The following IL1RAPL1 variants were observed in gnomAD, a reference collection of about 807,000 sequenced individuals.
IL1RAPL1 encodes the protein interleukin 1 receptor accessory protein like 1, also known as interleukin-1 receptor accessory protein-like 1.
Under a neutral mutation model 48.4 loss-of-function variants are expected in IL1RAPL1, and 3 were observed. The ratio of observed to expected loss-of-function variants is 0.06; its 90% CI spans 0.03 to 0.16. The LOEUF is 0.16. Ranked by LOEUF, IL1RAPL1 falls within the 10% of genes least tolerant of loss-of-function variation. IL1RAPL1 has a pLI of 1.00. For synonymous variants in IL1RAPL1, 185 were observed against 187.7 expected (o/e 0.99, Z 0.12); for missense variants, 349 against 530.6 (o/e 0.66, Z 3.36).
intron 2 of IL1RAPL1, among the ~76,000 whole-genome samples, chrX:29,016,623 C>T (rs372403648): frequency 6.3e-5 from 7 of 111,063 alleles, no homozygotes; most frequent in South Asian, 3.8e-4. Context: ...TTGGTTCTTT[C>T]GGCATACCAA....
chrX:29,103,425 A>C (rs1928385854), intron 2 of IL1RAPL1, among the ~76,000 whole-genome samples: 1 of 112,183 alleles, frequency 8.9e-6, no homozygotes, highest in Non-Finnish European at 1.9e-5. Flanking sequence ...CCATATGCAG[A>C]AGAATGAATC....
chrX:29,650,410 A>G (rs986645564), intron 5 of IL1RAPL1, among the ~76,000 whole-genome samples: 1 of 111,738 alleles, frequency 8.9e-6, no homozygotes, highest in Non-Finnish European at 1.9e-5. Flanking sequence ...ATAGCATGAT[A>G]CTGGCATAAA....
chrX:28,652,731 A>C (rs1397238833), intron 1 of IL1RAPL1, among the ~76,000 whole-genome samples: 3 of 111,546 alleles, frequency 2.7e-5, no homozygotes, highest in African/African-American at 9.8e-5. Flanking sequence ...TACCATTTAC[A>C]CAACAGTAGC....
chrX:29,803,001 G>GTATACATATATTTATATATGTGTA (rs1473620566), intron 6 of IL1RAPL1, among the ~76,000 whole-genome samples: 2 of 43,032 alleles, frequency 4.6e-5, no homozygotes, highest in African/African-American at 2.2e-4. Context: ...ATATATGTAT[G>GTATACATATATTTATATATGTGTA]CATATATACA....
At chrX:29,679,417 C>T (rs1299903976) in intron 6 of IL1RAPL1, among the ~76,000 whole-genome samples, 1 of 111,395 alleles carries the variant, frequency 9.0e-6, no homozygotes, top group African/African-American at 3.3e-5. Flanking sequence ...TGTAAATGTA[C>T]CTGTTTTTGA....
chrX:29,150,961 A>G (rs1929455721), intron 2 of IL1RAPL1, among the ~76,000 whole-genome samples: 1 of 109,570 alleles, frequency 9.1e-6, no homozygotes, highest in African/African-American at 3.3e-5. Flanking sequence ...CAAAAGCACA[A>G]TATGATCGTG....
At chrX:29,893,524 C>T (rs141117345) in intron 6 of IL1RAPL1, among the ~76,000 whole-genome samples, 5,896 of 110,320 alleles carry the variant, frequency 0.053, 195 homozygotes, top group Admixed American at 0.15. Flanking sequence ...ATCATCTTGA[C>T]GTTTAAGATT....
intron 1 of IL1RAPL1, among the ~76,000 whole-genome samples, chrX:28,722,134 A>G (rs775467556): frequency 8.9e-6 from 1 of 111,852 alleles, no homozygotes; most frequent in South Asian, 3.7e-4. Flanking sequence ...CTGCGAAGAA[A>G]GTCATTGGTA....
intron 2 of IL1RAPL1, among the ~76,000 whole-genome samples, chrX:29,252,140 A>G (rs1931638002): frequency 8.9e-6 from 1 of 112,705 alleles, no homozygotes; most frequent in African/African-American, 3.3e-5. Flanking sequence ...GGGGAGGGAT[A>G]GCTTTAGGAG....
At chrX:29,404,099 C>A (rs183755477) in intron 5 of IL1RAPL1, among the ~76,000 whole-genome samples, 1 of 111,973 alleles carries the variant, frequency 8.9e-6, no homozygotes, top group East Asian at 2.8e-4. Context: ...TTAAGGTTTT[C>A]TCTTTGTGCT....
At chrX:29,263,861 C>CTCT (rs1491542356) in intron 2 of IL1RAPL1, among the ~76,000 whole-genome samples, 2 of 5,059 alleles carry the variant, frequency 4.0e-4, no homozygotes, top group African/African-American at 7.0e-4. Context: ...CTCTCTCTCT[C>CTCT]CCCCCCCCCC....
intron 5 of IL1RAPL1, among the ~76,000 whole-genome samples, chrX:29,492,962 G>A (rs1935173967): frequency 9.0e-6 from 1 of 111,593 alleles, no homozygotes; most frequent in South Asian, 3.7e-4. Flanking sequence ...CTTGAACAGA[G>A]CCACGCTTCA....
chrX:29,449,118 C>T (rs1051085572), intron 5 of IL1RAPL1, among the ~76,000 whole-genome samples: 22 of 111,330 alleles, frequency 2.0e-4, no homozygotes, highest in African/African-American at 5.6e-4. Context: ...ATATTTACAA[C>T]GATCCAATGA....
intron 3 of IL1RAPL1, among the ~76,000 whole-genome samples, chrX:29,377,073 G>C (rs1933633910): frequency 8.9e-6 from 1 of 112,006 alleles, no homozygotes; most frequent in African/African-American, 3.2e-5. Context: ...GATAGTTAAG[G>C]CTTCTTGTTG....
At chrX:29,147,761 G>GT (rs1465576905) in intron 2 of IL1RAPL1, among the ~76,000 whole-genome samples, 1 of 111,921 alleles carries the variant, frequency 8.9e-6, no homozygotes, top group Non-Finnish European at 1.9e-5. Flanking sequence ...AAGCCAATTA[G>GT]TTTTTTACTA....
intron 1 of IL1RAPL1, among the ~76,000 whole-genome samples, chrX:28,757,869 C>T (rs909079185): frequency 1.8e-5 from 2 of 111,463 alleles, no homozygotes; most frequent in Admixed American, 9.6e-5. Context: ...TTTTCTTTAT[C>T]ACTCTCCCCC....
At chrX:28,898,131 G>A (rs1181510562) in intron 2 of IL1RAPL1, among the ~76,000 whole-genome samples, 1 of 111,438 alleles carries the variant, frequency 9.0e-6, no homozygotes, top group Non-Finnish European at 1.9e-5. Flanking sequence ...TAGGTCACAG[G>A]GGATATGATG....
intron 2 of IL1RAPL1, among the ~76,000 whole-genome samples, chrX:29,052,884 T>C (rs1927128815): frequency 9.0e-6 from 1 of 111,363 alleles, no homozygotes; most frequent in Non-Finnish European, 1.9e-5. Flanking sequence ...TGTTGTTTAA[T>C]TTTTATTTTA....
chrX:29,569,778 G>T (rs1922536844), intron 5 of IL1RAPL1, among the ~76,000 whole-genome samples: 3 of 112,127 alleles, frequency 2.7e-5, no homozygotes, highest in Non-Finnish European at 5.6e-5. Context: ...AACATGTTAA[G>T]ATTTGATTAT....
Sources: allele counts gnomAD v4.1 joint callset (sites outside exome capture counted in the v4.1 genomes callset), GRCh38; gene constraint gnomAD v4.1.1; transcripts MANE v1.5; gene names NCBI Gene and HGNC (gene_info 2026-07-23, HGNC 2026-07-21).